The following COL5A1 variants were observed in gnomAD, a reference collection of about 807,000 sequenced individuals.
COL5A1 encodes the protein collagen type V alpha 1 chain, also known as collagen alpha-1(V) chain.
COL5A1 carries 16 observed loss-of-function variants against 263.7 expected under a neutral mutation model. The ratio of observed to expected loss-of-function variants is 0.06; its 90% CI spans 0.04 to 0.09. COL5A1 has a LOEUF of 0.09. Among genes scored for constraint, COL5A1 ranks in the 10% least tolerant of loss-of-function variants. COL5A1 has a pLI of 1.00. For synonymous variants in COL5A1, 1,012 were observed against 1,004.5 expected, an observed-to-expected ratio of 1.01 and a Z score of -0.14; for missense variants, 2,036 against 2,540.5, an observed-to-expected ratio of 0.80 and a Z score of 4.27.
intron 1 of COL5A1, among the ~76,000 whole-genome samples, chr9:134,648,820 C>G (rs1172500024): frequency 6.6e-6 from 1 of 152,182 alleles, no homozygotes; most frequent in East Asian, 1.9e-4. Context: ...GCGGATCGCT[C>G]GCTGCTCGCT....
intron 65 of COL5A1, among the ~76,000 whole-genome samples, chr9:134,839,490 C>T (rs889690052): frequency 3.3e-5 from 5 of 152,212 alleles, no homozygotes; most frequent in Admixed American, 6.5e-5. Flanking sequence ...CTGTGACCGA[C>T]GCCACTGCTG....
At chr9:134,760,616 C>CACAT (rs574900180) in intron 18 of COL5A1, among the ~76,000 whole-genome samples, 6,827 of 111,884 alleles carry the variant, frequency 0.061, 990 homozygotes, top group African/African-American at 0.17. Context: ...CATGCACACA[C>CACAT]ACACACCCAC....
rs555150869 is a variant in COL5A1, at chr9:134,797,010, A to G, written c.2898+109A>G. 4,996 of 1,194,892 alleles carry G rather than the reference A, an allele frequency of 4.2e-3. 23 individuals carry two copies. The highest frequency in any genetic ancestry group is 0.023 in the Middle Eastern group (122 of 5,282). The allele number at this position is 1,194,892 out of a possible 1,614,324, so 74.0% of individuals were successfully genotyped here. ...CTGAGGTCTGCTCGGAGCTCCTCAC[A>G]GTGGCCGGTGGGTGGAGGGAGGCCC... On this transcript the variant is annotated intron_variant, in intron 36 of 65. Transcript: ENST00000371817.
chr9:134,776,483 C>T (rs754310848), intron 27 of COL5A1, among the ~76,000 whole-genome samples: 10 of 152,164 alleles, frequency 6.6e-5, no homozygotes, highest in Admixed American at 2.0e-4. Context: ...GAAGGAAAAC[C>T]GAGGTTTAAA....
chr9:134,679,190 G>A (rs1288751912), intron 1 of COL5A1, among the ~76,000 whole-genome samples: 2 of 152,136 alleles, frequency 1.3e-5, no homozygotes, highest in Admixed American at 6.5e-5. Flanking sequence ...AGCAGTCTCC[G>A]AGGCCCTAAC....
chr9:134,774,181 C>T (rs1166566257), intron 26 of COL5A1, among the ~76,000 whole-genome samples: 2 of 152,230 alleles, frequency 1.3e-5, no homozygotes, highest in Admixed American at 6.5e-5. Flanking sequence ...ATCCTGTTAG[C>T]GATGGGATAC....
chr9:134,695,583 G>T (rs1053819042), intron 2 of COL5A1, among the ~76,000 whole-genome samples: 2 of 152,196 alleles, frequency 1.3e-5, no homozygotes, highest in Admixed American at 6.5e-5. Flanking sequence ...TCACTGAGCA[G>T]ATGCTCCCCA....
chr9:134,652,807 AC>A lies in COL5A1; in HGVS notation c.109+10512del. 2.2e-6 allele frequency: 1 copy of A among 453,890 alleles called. No homozygotes were observed. Among genetic ancestry groups the A allele is most frequent in the Non-Finnish European group, 4.6e-6 (1 of 215,934 alleles). 28.1% of individuals were successfully genotyped at this position (453,890 alleles called of 1,614,324 possible). A position where few individuals can be genotyped will look rare whatever the true frequency, so the allele number is the denominator to read the frequency against. The stretch of plus-strand genomic sequence containing the variant: ...CATGGTGTAGACCAGCAGTTCCCAA[AC>A]TTTACCAGGCCCCAGAATCCCCCCG... On this transcript the variant is annotated intron_variant, in intron 1 of 65. Transcript: ENST00000371817. The surrounding 1 kb of genome is among the most constrained non-coding windows in gnomAD (Gnocchi z 4.4).
In COL5A1 at chr9:134,742,422, G is replaced by A. The variant is rs1174669549; in HGVS notation, c.1494+3614G>A. 3.9e-5 allele frequency among the ~76,000 whole-genome samples: 6 copies of A among 152,028 alleles called. No homozygotes were observed. The highest frequency in any genetic ancestry group is 5.9e-5 in the Non-Finnish European group (4 of 67,998). On this transcript the variant is annotated intron_variant, in intron 11 of 65. Coordinates refer to ENST00000371817, the MANE Select transcript of COL5A1 (RefSeq NM_000093.5). This position sits in a 1 kb window ranked among gnomAD's most constrained non-coding sequence, Gnocchi z 4.6. ...TGGGAGGTCTGGAGCGGCTGTGTCC[G>A]GGTGGAGAAGGGGCTCGAACCATCA...
chr9:134,773,246 T>C (rs1409588726), intron 26 of COL5A1, among the ~76,000 whole-genome samples: 1 of 152,202 alleles, frequency 6.6e-6, no homozygotes, highest in African/African-American at 2.4e-5. Context: ...GGATGGAGTC[T>C]TTCTATGGAT....
chr9:134,642,247 G>A lies in COL5A1; in HGVS notation c.60G>A (p.Leu20=). 7.8e-7 allele frequency: 1 copy of A among 1,282,112 alleles called. No homozygotes were observed. Among genetic ancestry groups the A allele is most frequent in the Non-Finnish European group, 9.9e-7 (1 of 1,008,942 alleles). The allele number at this position is 1,282,112 out of a possible 1,614,324, so 79.4% of individuals were successfully genotyped here. A position where few individuals can be genotyped will look rare whatever the true frequency, so the allele number is the denominator to read the frequency against. Residue 20 remains leucine, a synonymous_variant, in exon 1 of 66, where the codon CTG becomes CTA. Coordinates refer to ENST00000371817, the MANE Select transcript of COL5A1 (RefSeq NM_000093.5). This position sits in a 1 kb window ranked among gnomAD's most constrained non-coding sequence, Gnocchi z 4.5. ...CGCTCCGCCCGGGCGCCCCGCTGCT[G>A]CCCCCGCTGCTGCTGCTGCTGCTGT... ...RSALRPGAPL[L]PPLLLLLLWA...
At chr9:134,832,035 C>T (rs1037973283) in intron 64 of COL5A1, among the ~76,000 whole-genome samples, 1 of 152,214 alleles carries the variant, frequency 6.6e-6, no homozygotes, top group Admixed American at 6.5e-5. Context: ...GAGGCTCAGG[C>T]GGGCAGATTG....
At chr9:134,785,185 C>T in intron 30 of COL5A1, 89 bp downstream of exon 30, 2 of 1,037,726 alleles carry the variant, frequency 1.9e-6, no homozygotes, top group Non-Finnish European at 3.0e-6. Context: ...GCTGTGGCTG[C>T]CCTAGGCATG....
chr9:134,657,638 GTA>G (rs1564370342), intron 1 of COL5A1, among the ~76,000 whole-genome samples: 1 of 120,440 alleles, frequency 8.3e-6, no homozygotes. Flanking sequence ...GGGGGGTGGG[GTA>G]GGGGGTGCAG....
chr9:134,646,937 A>G lies in COL5A1; in HGVS notation c.109+4641A>G, dbSNP rs1038827151. Among the ~76,000 whole-genome samples, 4 of 152,308 alleles carry G rather than the reference A, an allele frequency of 2.6e-5. No individual in the cohort carries two copies. The South Asian group carries it at 6.2e-4, about 24-fold the overall frequency. On this transcript the variant is annotated intron_variant, in intron 1 of 65. Coordinates refer to ENST00000371817, the MANE Select transcript of COL5A1 (RefSeq NM_000093.5). Reference sequence around the variant, plus strand: ...TGCACCTCAGCTTCCCCTCGTGAACATGGGGAGAACCACATTTCTTGCTTT... The same window carrying G: ...TGCACCTCAGCTTCCCCTCGTGAACGTGGGGAGAACCACATTTCTTGCTTT...
intron 27 of COL5A1, among the ~76,000 whole-genome samples, chr9:134,779,028 G>A (rs889829051): frequency 3.4e-4 from 52 of 152,244 alleles, no homozygotes; most frequent in Non-Finnish European, 5.4e-4. Flanking sequence ...TCCAGGACCT[G>A]GGGAAAGGCC....
chr9:134,759,496 TACACACATGCAC>T (rs1836164450), intron 18 of COL5A1, among the ~76,000 whole-genome samples: 1 of 82,322 alleles, frequency 1.2e-5, no homozygotes, highest in Admixed American at 1.4e-4. Flanking sequence ...CCCACACTCA[TACACACATGCAC>T]ACACACATAC....
intron 19 of COL5A1, 117 bp from the exon 20 acceptor site, chr9:134,763,563 TACCAGAGCTGGTA>T: frequency 2.2e-6 from 2 of 925,612 alleles, no homozygotes; most frequent in South Asian, 2.6e-5. Context: ...TTCCGGCTGG[TACCAGAGCTGGTA>T]AACCTGGCGT....
intron 2 of COL5A1, 69 bp from the exon 3 acceptor site, chr9:134,699,840 A>G: frequency 6.7e-7 from 1 of 1,493,356 alleles, no homozygotes; most frequent in South Asian, 1.1e-5. Context: ...GCTTGTTTGC[A>G]GAGAGCCATG....
Sources: gnomAD v4.1 joint callset for allele counts (sites outside exome capture counted in the v4.1 genomes callset) on GRCh38, gnomAD v4.1.1 for gene constraint, Gnocchi (gnomAD v3.1) non-coding constraint, MANE v1.5 for transcripts, NCBI Gene and HGNC (gene_info 2026-07-23, HGNC 2026-07-21) for gene names.